Variants in TDRD9 observed in about 807,000 individuals in gnomAD.
TDRD9 encodes tudor domain containing 9.
Under a neutral mutation model 172.6 loss-of-function variants are expected in TDRD9, and 124 were observed. The observed-to-expected ratio is 0.72, with a 90% confidence interval of 0.62 to 0.83. The LOEUF (loss-of-function observed/expected upper bound fraction) is 0.83, where lower values mean the gene tolerates loss of function less well. Ranked by LOEUF, TDRD9 falls within the 40% of genes least tolerant of loss-of-function variation. The pLI, the probability that TDRD9 is intolerant of heterozygous loss-of-function variation, is 0.00. For synonymous variants in TDRD9, 619 were observed against 617.1 expected, an observed-to-expected ratio of 1.00 and a Z score of -0.05; for missense variants, 1,479 against 1,714.1, an observed-to-expected ratio of 0.86 and a Z score of 2.42.
chr14:103,930,069 C>G (rs142496466), intron 1 of TDRD9, among the ~76,000 whole-genome samples: 39 of 152,174 alleles, frequency 2.6e-4, no homozygotes, highest in Non-Finnish European at 4.7e-4. Context: ...TCCCTCTTCT[C>G]GCTCTTTAAA....
At chr14:103,988,323 GT>G (rs1357996041) in intron 8 of TDRD9, among the ~76,000 whole-genome samples, 2 of 152,070 alleles carry the variant, frequency 1.3e-5, no homozygotes, top group Non-Finnish European at 2.9e-5. Flanking sequence ...ACAGGCATGT[GT>G]CGCCATGTCC....
chr14:103,956,106 AAAAAAATAT>A (rs1401914903), intron 2 of TDRD9, among the ~76,000 whole-genome samples: 27 of 43,070 alleles, frequency 6.3e-4, no homozygotes, highest in Non-Finnish European at 7.3e-4. Context: ...AAAAAAAAAA[AAAAAAATAT>A]ATATATATAT....
rs192346931 is a variant in TDRD9 at position 103,978,262 on chromosome 14, T to C, written c.1011+2709T>C. Among the ~76,000 whole-genome samples the C allele has an allele frequency of 3.9e-4, 59 of 152,220 alleles. 1 individual carries two copies. Among genetic ancestry groups the C allele is most frequent in the African/African-American group, 1.4e-3 (57 of 41,528 alleles). ...TGAATCTGTACATCACTTTGGGTAG[T>C]ATAGTCATTTTAATAGTATAAATTC... On this transcript the variant is annotated intron_variant, in intron 7 of 35. Transcript: ENST00000409874.
intron 8 of TDRD9, among the ~76,000 whole-genome samples, chr14:103,989,313 T>C (rs2033786329): frequency 6.6e-6 from 1 of 152,230 alleles, no homozygotes; most frequent in African/African-American, 2.4e-5. Context: ...TCATTATGGC[T>C]TTTATGACTT....
chr14:103,979,507 G>T (rs1316545648), intron 7 of TDRD9, among the ~76,000 whole-genome samples: 1 of 152,192 alleles, frequency 6.6e-6, no homozygotes, highest in Non-Finnish European at 1.5e-5. Flanking sequence ...CAGGCTTTTT[G>T]TAACAGTCAC....
At chr14:104,018,859 TAATGTCCAGTTCACTCA>T (rs2034870043) in intron 23 of TDRD9, among the ~76,000 whole-genome samples, 1 of 152,234 alleles carries the variant, frequency 6.6e-6, no homozygotes, top group Admixed American at 6.5e-5. Flanking sequence ...ACTTTTTCTT[TAATGTCCAGTTCACTCA>T]AGTTGAACAT....
intron 5 of TDRD9, among the ~76,000 whole-genome samples, chr14:103,968,184 G>A (rs2032836719): frequency 6.6e-6 from 1 of 152,252 alleles, no homozygotes; most frequent in Non-Finnish European, 1.5e-5. Context: ...CTGAGCAAAA[G>A]TTAGCTCCTC....
Position 104,022,709 on chromosome 14 carries a change from A to G in TDRD9, c.2606+379A>G, listed in dbSNP as rs180921711. 2.7e-3 allele frequency among the ~76,000 whole-genome samples: 390 copies of G among 146,518 alleles called. 5 individuals are homozygous for G. The highest frequency in any genetic ancestry group is 0.02 in the Admixed American group (292 of 14,332). On this transcript the variant is annotated intron_variant, in intron 24 of 35. Transcript: ENST00000409874. ...ACCACTGCACTCCAGCCTGGGCGAC[A>G]GAACAAGACGCTGTCTTAAAAAATA... is the stretch of plus-strand genomic sequence containing the variant.
intron 1 of TDRD9, among the ~76,000 whole-genome samples, chr14:103,954,909 G>C (rs142690203): frequency 6.6e-6 from 1 of 151,382 alleles, no homozygotes; most frequent in South Asian, 2.1e-4. Flanking sequence ...GATTACAGGC[G>C]TGAGCCACTG....
intron 24 of TDRD9, among the ~76,000 whole-genome samples, chr14:104,023,114 A>G (rs2035013047): frequency 1.5e-5 from 2 of 136,758 alleles, no homozygotes; most frequent in South Asian, 5.2e-4. Context: ...CCCAGGAGGC[A>G]GAGGTTGCAG....
At chr14:103,971,042 G>T (rs1279814219) in intron 6 of TDRD9, among the ~76,000 whole-genome samples, 2 of 151,574 alleles carry the variant, frequency 1.3e-5, no homozygotes, top group Non-Finnish European at 2.9e-5. Context: ...GGAGTGCAGT[G>T]GCGTGATCTC....
chr14:103,963,604 A>G (rs1438631723), intron 3 of TDRD9, among the ~76,000 whole-genome samples: 2 of 152,156 alleles, frequency 1.3e-5, no homozygotes, highest in Non-Finnish European at 2.9e-5. Flanking sequence ...CTGCCTGTTG[A>G]TTAATGTAAT....
At chr14:103,948,686 T>C (rs966364843) in intron 1 of TDRD9, among the ~76,000 whole-genome samples, 26 of 152,134 alleles carry the variant, frequency 1.7e-4, no homozygotes, top group Non-Finnish European at 3.4e-4. Flanking sequence ...TTGAGGACAT[T>C]ATGCTAAATA....
At chr14:104,010,259 C>CT (rs145867870) in intron 20 of TDRD9, among the ~76,000 whole-genome samples, 50,224 of 151,766 alleles carry the variant, frequency 0.33, 8,478 homozygotes, top group Middle Eastern at 0.36. Context: ...TTTTTTTATT[C>CT]TTTTATTTTT....
At chr14:103,933,098 G>A (rs147212391) in intron 1 of TDRD9, among the ~76,000 whole-genome samples, 1 of 152,226 alleles carries the variant, frequency 6.6e-6, no homozygotes, top group East Asian at 1.9e-4. Context: ...TGATTTTTAC[G>A]GATTTCCCCA....
At chr14:103,987,143 C>G (rs1258789041) in intron 8 of TDRD9, among the ~76,000 whole-genome samples, 1 of 151,818 alleles carries the variant, frequency 6.6e-6, no homozygotes. Context: ...CACACACACA[C>G]ACACACACAC....
intron 30 of TDRD9, 123 bp downstream of exon 30, chr14:104,032,210 CTT>C (rs2035304065): frequency 4.6e-5 from 30 of 648,216 alleles, no homozygotes; most frequent in Non-Finnish European, 5.9e-5. Context: ...CTTTTCTTTT[CTT>C]TTCTTTTTTT....
rs115039272 is a variant in TDRD9 at position 104,027,631 on chromosome 14, A to T, written c.3282+692A>T. Among the ~76,000 whole-genome samples, 628 of 152,334 alleles carry T rather than the reference A, an allele frequency of 4.1e-3. 5 individuals are homozygous for T. The highest frequency in any genetic ancestry group is 0.014 in the African/African-American group (599 of 41,568). On this transcript the variant is annotated intron_variant, in intron 28 of 35. Coordinates refer to ENST00000409874, the MANE Select transcript of TDRD9 (RefSeq NM_153046.3). ...TATAGAGTCATATTTTGATATGTGT[A>T]TATAATGTATAATGATCAAGTGAGG...
intron 33 of TDRD9, among the ~76,000 whole-genome samples, chr14:104,040,858 G>A (rs1489675705): frequency 6.6e-6 from 1 of 152,262 alleles, no homozygotes; most frequent in East Asian, 1.9e-4. Flanking sequence ...AAACTGTGTA[G>A]CAAGTACACA....
Sources: gnomAD v4.1 joint callset for allele counts (sites outside exome capture counted in the v4.1 genomes callset) on GRCh38, gnomAD v4.1.1 for gene constraint, MANE v1.5 for transcripts, NCBI Gene and HGNC (gene_info 2026-07-23, HGNC 2026-07-21) for gene names.